LDAH: variants seen among roughly 807,000 people sequenced by gnomAD.
LDAH encodes lipid droplet associated hydrolase.
A neutral mutation model predicts 29.6 loss-of-function variants in LDAH; 26 were observed. That is an observed-to-expected ratio of 0.88 (90% confidence interval 0.64 to 1.22). The LOEUF (loss-of-function observed/expected upper bound fraction) is 1.22. Among genes scored for constraint, LDAH ranks in the 50% most tolerant of loss-of-function variants. LDAH has a pLI of 0.00. For missense variants in LDAH, 344 were observed against 387.3 expected (o/e 0.89, Z 0.94); for synonymous variants, 117 against 133.0 (o/e 0.88, Z 0.83).
chr2:20,806,673 G>A (rs1672087805), intron 1 of LDAH, among the ~76,000 whole-genome samples: 1 of 151,602 alleles, frequency 6.6e-6, no homozygotes, highest in Admixed American at 6.6e-5. Context: ...GAATTTATAA[G>A]ACTGTATAAC....
At chr2:20,722,869 T>C (rs1034693129) in intron 5 of LDAH, among the ~76,000 whole-genome samples, 17 of 152,080 alleles carry the variant, frequency 1.1e-4, no homozygotes, top group Non-Finnish European at 5.9e-5. Context: ...GGTGAGCAAA[T>C]GAAGCAACAT....
chr2:20,762,683 A>G (rs1429356188), intron 4 of LDAH, among the ~76,000 whole-genome samples: 1 of 152,214 alleles, frequency 6.6e-6, no homozygotes, highest in Non-Finnish European at 1.5e-5. Flanking sequence ...TTGATATATT[A>G]GTTCTTCAGT....
At chr2:20,764,390 T>C (rs757492068) in intron 4 of LDAH, among the ~76,000 whole-genome samples, 8 of 152,232 alleles carry the variant, frequency 5.3e-5, no homozygotes, top group African/African-American at 1.4e-4. Context: ...ATGGGTCACA[T>C]AGAGGTAACT....
chr2:20,781,439 T>C (rs1168072207), intron 3 of LDAH, among the ~76,000 whole-genome samples: 1 of 152,208 alleles, frequency 6.6e-6, no homozygotes, highest in Non-Finnish European at 1.5e-5. Flanking sequence ...TCTCAATGAT[T>C]ACATATTTTT....
intron 5 of LDAH, among the ~76,000 whole-genome samples, chr2:20,724,003 T>C (rs551659483): frequency 6.6e-6 from 1 of 152,362 alleles, no homozygotes; most frequent in African/African-American, 2.4e-5. Context: ...AAAATTACTA[T>C]ACAACTTTAA....
intron 5 of LDAH, among the ~76,000 whole-genome samples, chr2:20,736,160 G>A (rs1242111480): frequency 6.6e-6 from 1 of 152,194 alleles, no homozygotes; most frequent in East Asian, 1.9e-4. Context: ...AAAGACCAGA[G>A]GCCAGGTGCG....
At chr2:20,755,719 G>C (rs567060379) in intron 4 of LDAH, among the ~76,000 whole-genome samples, 7 of 152,092 alleles carry the variant, frequency 4.6e-5, no homozygotes, top group Non-Finnish European at 8.8e-5. Flanking sequence ...GGAGACACAG[G>C]GCACAGAAAA....
rs73919643 is a variant in LDAH at position 20,693,989 on chromosome 2, T to C, written c.787-6895A>G. Among the ~76,000 whole-genome samples, 975 of 152,380 alleles carry C rather than the reference T, an allele frequency of 6.4e-3. 11 individuals are homozygous for C. Among genetic ancestry groups the C allele is most frequent in the African/African-American group, 0.023 (936 of 41,592 alleles). ...AGGTCTAAGAAAAATATGTCATTCC[T>C]GCTTTCTCCAGGTTTTCTTTCCTTC... On this transcript the variant is annotated intron_variant, in intron 6 of 6. Transcript: ENST00000237822.
At chr2:20,821,630 T>C (rs1195380562) in intron 1 of LDAH, among the ~76,000 whole-genome samples, 2 of 150,670 alleles carry the variant, frequency 1.3e-5, no homozygotes, top group African/African-American at 4.9e-5. Flanking sequence ...GTGGGGTGAG[T>C]GGGGAGGGAT....
chr2:20,733,257 C>T (rs1351280427), intron 5 of LDAH, among the ~76,000 whole-genome samples: 3 of 151,256 alleles, frequency 2.0e-5, no homozygotes, highest in African/African-American at 4.9e-5. Flanking sequence ...TTTTGAGATG[C>T]TTTCACTCTG....
intron 2 of LDAH, among the ~76,000 whole-genome samples, chr2:20,791,249 G>A (rs1471291528): frequency 6.6e-6 from 1 of 152,196 alleles, no homozygotes; most frequent in Non-Finnish European, 1.5e-5. Flanking sequence ...GACTACCTGG[G>A]TTGGAATCTT....
chr2:20,684,359 T>C lies in LDAH; in HGVS notation c.*2544A>G, dbSNP rs1220492186. On this transcript the variant is annotated 3_prime_UTR_variant, in exon 7 of 7. Transcript: ENST00000237822. ...AATCAGATGTTGTGTCCAATTGTCA[T>C]GTCTCTTCAGTCTCCTTTAATCTGA... The C allele has an allele frequency of 6.6e-6, 1 of 150,768 alleles. No individual in the cohort carries two copies. The highest frequency in any genetic ancestry group is 2.4e-5 in the African/African-American group (1 of 41,408). 9.3% of individuals were successfully genotyped at this position (150,768 alleles called of 1,614,324 possible).
intron 1 of LDAH, among the ~76,000 whole-genome samples, chr2:20,813,575 A>G (rs960842513): frequency 2.0e-5 from 3 of 152,192 alleles, no homozygotes; most frequent in Non-Finnish European, 4.4e-5. Flanking sequence ...ACATACATTC[A>G]TATCTACCAG....
At chr2:20,760,881 C>T (rs1318753110) in intron 4 of LDAH, among the ~76,000 whole-genome samples, 2 of 152,148 alleles carry the variant, frequency 1.3e-5, no homozygotes, top group South Asian at 2.1e-4. Flanking sequence ...GAGGGGATTA[C>T]GTGTAGGAAT....
chr2:20,769,129 ATT>A (rs1418626383), intron 4 of LDAH, among the ~76,000 whole-genome samples: 3 of 151,950 alleles, frequency 2.0e-5, no homozygotes, highest in Non-Finnish European at 2.9e-5. Flanking sequence ...GATGAAAACC[ATT>A]TCTCTTCATG....
In LDAH at chr2:20,686,688, A is replaced by AC; in HGVS notation, c.*214_*215insG. 1 of 322,218 alleles carries AC rather than the reference A, an allele frequency of 3.1e-6. No homozygotes were observed. Among genetic ancestry groups the AC allele is most frequent in the Non-Finnish European group, 5.5e-6 (1 of 181,782 alleles). 20.0% of individuals were successfully genotyped at this position (322,218 alleles called of 1,614,324 possible). ...TCTGTGTAGATCACTGTGTTCCCTG[A>AC]GTCTTGGAAAATGTATGGTTAAACC... On this transcript the variant is annotated 3_prime_UTR_variant, in exon 7 of 7. Transcript: ENST00000237822.
At chr2:20,716,343 A>G (rs1320684916) in intron 5 of LDAH, among the ~76,000 whole-genome samples, 1 of 151,774 alleles carries the variant, frequency 6.6e-6, no homozygotes, top group Non-Finnish European at 1.5e-5. Flanking sequence ...TCCATCAATG[A>G]TAGACTAGAT....
At chr2:20,713,662 T>C (rs1338341929) in intron 5 of LDAH, among the ~76,000 whole-genome samples, 1 of 152,056 alleles carries the variant, frequency 6.6e-6, no homozygotes, top group Non-Finnish European at 1.5e-5. Flanking sequence ...GAGACACACA[T>C]AGGCTCAAAA....
intron 5 of LDAH, among the ~76,000 whole-genome samples, chr2:20,726,713 T>C (rs1344369555): frequency 1.4e-4 from 21 of 152,340 alleles, no homozygotes; most frequent in Non-Finnish European, 7.3e-5. Context: ...GTAGTCAACA[T>C]AGTTTATTAT....
Sources: allele counts gnomAD v4.1 joint callset (sites outside exome capture counted in the v4.1 genomes callset), GRCh38; gene constraint gnomAD v4.1.1; transcripts MANE v1.5; gene names NCBI Gene and HGNC (gene_info 2026-07-23, HGNC 2026-07-21).